CDH20: variants seen among roughly 807,000 people sequenced by gnomAD.
CDH20 encodes the protein cadherin-20.
In CDH20, 29 loss-of-function variants were observed where a neutral mutation model predicts 74.2. The ratio of observed to expected loss-of-function variants is 0.39; its 90% CI spans 0.29 to 0.53. The LOEUF is 0.53. Among genes scored for constraint, CDH20 ranks in the 20% least tolerant of loss-of-function variants. The probability of loss-of-function intolerance (pLI) is 0.69; values close to 1 mark genes in which losing one functional copy is unlikely to be tolerated. For synonymous variants in CDH20, 469 were observed against 405.4 expected (o/e 1.16, Z -1.88); for missense variants, 988 against 1,048.3 (o/e 0.94, Z 0.79).
chr18:61,540,081 T>A (rs1426458879), intron 9 of CDH20, among the ~76,000 whole-genome samples: 1 of 152,202 alleles, frequency 6.6e-6, no homozygotes, highest in Admixed American at 6.5e-5. Context: ...GCCTGCCCTA[T>A]AATCTGTCCA....
chr18:61,554,046 G>A, intron 11 of CDH20, 144 bp from the exon 12 acceptor site: 1 of 898,800 alleles, frequency 1.1e-6, no homozygotes, highest in Non-Finnish European at 1.7e-6. Flanking sequence ...AGAACTCCCC[G>A]AGGTTTCAGA....
At chr18:61,456,227 T>C (rs867276114) in intron 1 of CDH20, among the ~76,000 whole-genome samples, 3 of 152,204 alleles carry the variant, frequency 2.0e-5, no homozygotes, top group Admixed American at 6.5e-5. Context: ...GTATTTGAAG[T>C]AGTAGGCTTG....
chr18:61,424,011 G>C (rs956464837), intron 1 of CDH20, among the ~76,000 whole-genome samples: 1 of 152,092 alleles, frequency 6.6e-6, no homozygotes, highest in African/African-American at 2.4e-5. Flanking sequence ...TCAAAAAAAT[G>C]GCAGCAAGAC....
chr18:61,539,247 C>T (rs11875000), intron 9 of CDH20, 102 bp downstream of exon 9: 578,965 of 1,173,598 alleles, frequency 0.49, 147,465 homozygotes, highest in Non-Finnish European at 0.54. Context: ...ACTCCAGAAA[C>T]GAACAGTTCA....
At chr18:61,492,828 AAAGC>A (rs1426582359) in intron 2 of CDH20, among the ~76,000 whole-genome samples, 1 of 152,214 alleles carries the variant, frequency 6.6e-6, no homozygotes, top group African/African-American at 2.4e-5. Flanking sequence ...AAGCTCAATG[AAAGC>A]AAGAACATTG....
At chr18:61,545,455 C>T (rs1209233063) in intron 10 of CDH20, among the ~76,000 whole-genome samples, 1 of 151,962 alleles carries the variant, frequency 6.6e-6, no homozygotes, top group Non-Finnish European at 1.5e-5. Context: ...ACACAGAGAA[C>T]CCTTTGCCAA....
At chr18:61,539,659 G>A (rs969943486) in intron 9 of CDH20, among the ~76,000 whole-genome samples, 9 of 152,120 alleles carry the variant, frequency 5.9e-5, no homozygotes, top group African/African-American at 1.7e-4. Flanking sequence ...CTCTTTTCCC[G>A]AGTGTGGTAC....
intron 1 of CDH20, among the ~76,000 whole-genome samples, chr18:61,407,124 C>G (rs963837852): frequency 6.6e-6 from 1 of 152,180 alleles, no homozygotes; most frequent in Non-Finnish European, 1.5e-5. Flanking sequence ...AGGTGACCAT[C>G]TGTGTTAACT....
rs190886458 is a variant in CDH20 at position 61,509,334 on chromosome 18, G to C, written c.1017+1774G>C. Reference sequence around the variant, plus strand: ...CTCATACCACTGAGTTAAGCAGGTTGACAGTGTGGGAGGTGCCCTACAAAT... The same window carrying C: ...CTCATACCACTGAGTTAAGCAGGTTCACAGTGTGGGAGGTGCCCTACAAAT... On this transcript the variant is annotated intron_variant, in intron 6 of 11. Transcript: ENST00000262717. 2.9e-3 allele frequency among the ~76,000 whole-genome samples: 443 copies of C among 152,358 alleles called. 3 individuals are homozygous for C. Among genetic ancestry groups the C allele is most frequent in the Non-Finnish European group, 5.0e-3 (343 of 68,046 alleles).
chr18:61,479,974 C>T (rs1472030861), intron 1 of CDH20, among the ~76,000 whole-genome samples: 1 of 152,102 alleles, frequency 6.6e-6, no homozygotes, highest in Admixed American at 6.6e-5. Context: ...TCATAGACTT[C>T]CATGGTGAAA....
At chr18:61,471,782 C>T (rs73451464) in intron 1 of CDH20, among the ~76,000 whole-genome samples, 3 of 152,014 alleles carry the variant, frequency 2.0e-5, no homozygotes, top group Non-Finnish European at 4.4e-5. Context: ...TCCTGGCTGT[C>T]GGTAATGACA....
At chr18:61,507,599 C>A (rs1437087925) in intron 6 of CDH20, 39 bp downstream of exon 6, 7 of 1,458,450 alleles carry the variant, frequency 4.8e-6, no homozygotes, top group Non-Finnish European at 6.6e-6. Flanking sequence ...TTCATGGGTG[C>A]TTTGAATGTT....
intron 6 of CDH20, among the ~76,000 whole-genome samples, chr18:61,526,748 A>T (rs918158931): frequency 3.3e-5 from 5 of 152,244 alleles, no homozygotes; most frequent in Non-Finnish European, 7.3e-5. Flanking sequence ...AACCAAAAAA[A>T]TTGTATTTTA....
chr18:61,526,121 CT>C (rs765492185), intron 6 of CDH20, among the ~76,000 whole-genome samples: 4,240 of 90,244 alleles, frequency 0.047, 80 homozygotes, highest in African/African-American at 0.14. Flanking sequence ...AAAAAGTTGA[CT>C]TTTTTTTTTT....
intron 1 of CDH20, among the ~76,000 whole-genome samples, chr18:61,435,683 T>A (rs1443201969): frequency 6.6e-6 from 1 of 150,518 alleles, no homozygotes; most frequent in Non-Finnish European, 1.5e-5. Context: ...AATATATATA[T>A]AACAGCTTTA....
intron 1 of CDH20, among the ~76,000 whole-genome samples, chr18:61,441,239 T>C (rs1401790885): frequency 6.6e-6 from 1 of 152,110 alleles, no homozygotes; most frequent in African/African-American, 2.4e-5. Flanking sequence ...GGTGGGAAAA[T>C]GCATGATGAT....
At chr18:61,391,056 G>A (rs534519744) in intron 1 of CDH20, among the ~76,000 whole-genome samples, 13 of 152,044 alleles carry the variant, frequency 8.6e-5, no homozygotes, top group Admixed American at 5.2e-4. Flanking sequence ...ATTAAAAGGC[G>A]AACAAAAATC....
intron 1 of CDH20, among the ~76,000 whole-genome samples, chr18:61,409,321 C>T (rs939060414): frequency 4.6e-5 from 7 of 152,136 alleles, no homozygotes; most frequent in African/African-American, 1.4e-4. Flanking sequence ...ATTTTAAGAC[C>T]CTGACTTTTA....
intron 1 of CDH20, among the ~76,000 whole-genome samples, chr18:61,465,308 A>G (rs1909923229): frequency 6.6e-6 from 1 of 152,230 alleles, no homozygotes; most frequent in African/African-American, 2.4e-5. Flanking sequence ...AACTCTAGTC[A>G]TTCTCCAGCC....
Sources: gnomAD v4.1 joint callset for allele counts (sites outside exome capture counted in the v4.1 genomes callset) on GRCh38, gnomAD v4.1.1 for gene constraint, MANE v1.5 for transcripts, NCBI Gene and HGNC (gene_info 2026-07-23, HGNC 2026-07-21) for gene names.